RPH3A: variants seen among roughly 807,000 people sequenced by gnomAD.
RPH3A encodes the protein rabphilin 3A.
In RPH3A, 48 loss-of-function variants were observed where a neutral mutation model predicts 102.2. The observed-to-expected ratio is 0.47, with a 90% CI of 0.37 to 0.60. The LOEUF (loss-of-function observed/expected upper bound fraction) is 0.60. Ranked by LOEUF, RPH3A falls within the 20% of genes least tolerant of loss-of-function variation. The pLI is 0.00. For missense variants in RPH3A, 781 were observed against 910.1 expected, an observed-to-expected ratio of 0.86 and a Z score of 1.83; for synonymous variants, 310 against 324.3, an observed-to-expected ratio of 0.96 and a Z score of 0.47.
intron 17 of RPH3A, 83 bp from the exon 18 acceptor site, chr12:112,889,941 G>A: frequency 8.0e-7 from 1 of 1,243,938 alleles, no homozygotes. Flanking sequence ...GGTAATGGAA[G>A]TATGAGGGGT....
chr12:112,820,658 A>G (rs1460962619), intron 2 of RPH3A, among the ~76,000 whole-genome samples: 3 of 152,150 alleles, frequency 2.0e-5, no homozygotes, highest in African/African-American at 7.2e-5. Flanking sequence ...GGATGACCAT[A>G]CTCATTTTAT....
At chr12:112,708,245 C>A (rs927849021) in intron 1 of RPH3A, among the ~76,000 whole-genome samples, 6 of 152,146 alleles carry the variant, frequency 3.9e-5, no homozygotes, top group African/African-American at 1.4e-4. Context: ...CCTCTCTGTA[C>A]CTTTATCTAA....
At chr12:112,763,826 A>G (rs911438801) in intron 1 of RPH3A, among the ~76,000 whole-genome samples, 9 of 152,162 alleles carry the variant, frequency 5.9e-5, no homozygotes, top group Non-Finnish European at 8.8e-5. Flanking sequence ...CTTAGCTGCG[A>G]GAAGGGTTCA....
chr12:112,859,963 C>T (rs544441368), intron 5 of RPH3A, among the ~76,000 whole-genome samples: 1 of 152,326 alleles, frequency 6.6e-6, no homozygotes, highest in African/African-American at 2.4e-5. Flanking sequence ...GGGCCGGGCA[C>T]TGGCGTTTTT....
chr12:112,702,393 C>A (rs1050323753), intron 1 of RPH3A, among the ~76,000 whole-genome samples: 3 of 152,142 alleles, frequency 2.0e-5, no homozygotes, highest in Non-Finnish European at 4.4e-5. Flanking sequence ...GAGAGATTTG[C>A]CCAGGAGATC....
intron 1 of RPH3A, among the ~76,000 whole-genome samples, chr12:112,780,140 C>A (rs1035999343): frequency 1.3e-5 from 2 of 152,142 alleles, no homozygotes; most frequent in Non-Finnish European, 2.9e-5. Flanking sequence ...CTTTTCTCCC[C>A]TTTATGTAAC....
At chr12:112,598,331 T>C (rs2039533179) in intron 1 of RPH3A, among the ~76,000 whole-genome samples, 1 of 152,190 alleles carries the variant, frequency 6.6e-6, no homozygotes, top group African/African-American at 2.4e-5. Flanking sequence ...ACGTTGTCAA[T>C]TCAGTGTGCA....
At chr12:112,895,446 C>A in intron 20 of RPH3A, 1 of 220,042 alleles carries the variant, frequency 4.5e-6, no homozygotes, top group South Asian at 1.3e-4. Flanking sequence ...GGGGATGCCC[C>A]TTCATAAACT....
chr12:112,616,036 C>T (rs1178707216), intron 1 of RPH3A, among the ~76,000 whole-genome samples: 2 of 152,196 alleles, frequency 1.3e-5, no homozygotes, highest in African/African-American at 2.4e-5. Flanking sequence ...ATGGGAGCAG[C>T]TTCTTCTCTG....
chr12:112,659,157 C>T (rs1566246389), intron 1 of RPH3A, among the ~76,000 whole-genome samples: 3 of 152,122 alleles, frequency 2.0e-5, no homozygotes, highest in African/African-American at 7.2e-5. Context: ...TTATGTCCCA[C>T]AAACAAAGAT....
At chr12:112,633,343 A>C (rs2039821345) in intron 1 of RPH3A, among the ~76,000 whole-genome samples, 1 of 152,234 alleles carries the variant, frequency 6.6e-6, no homozygotes, top group South Asian at 2.1e-4. Context: ...ACTCATGTTG[A>C]AACTTAATCC....
At chr12:112,647,203 C>G (rs2039937656) in intron 1 of RPH3A, among the ~76,000 whole-genome samples, 1 of 152,142 alleles carries the variant, frequency 6.6e-6, no homozygotes, top group Admixed American at 6.5e-5. Context: ...TCTGTCTCAT[C>G]TTTACCAATA....
chr12:112,748,910 A>G (rs2040766358), intron 1 of RPH3A, among the ~76,000 whole-genome samples: 1 of 151,932 alleles, frequency 6.6e-6, no homozygotes, highest in African/African-American at 2.4e-5. Flanking sequence ...GCCAATTCCC[A>G]AGATTTAAAA....
At chr12:112,756,136 AG>A (rs2040821518) in intron 1 of RPH3A, among the ~76,000 whole-genome samples, 1 of 152,184 alleles carries the variant, frequency 6.6e-6, no homozygotes, top group African/African-American at 2.4e-5. Flanking sequence ...TAAATGTTTG[AG>A]GTGAGGAATA....
chr12:112,592,706 G>A (rs573669914), intron 1 of RPH3A, among the ~76,000 whole-genome samples: 25 of 152,328 alleles, frequency 1.6e-4, no homozygotes, highest in African/African-American at 4.8e-4. Context: ...ATGGCCGACT[G>A]TATATCCTGT....
At chr12:112,792,287 T>C (rs1048841379) in intron 2 of RPH3A, 24 bp downstream of exon 2, 3 of 152,196 alleles carry the variant, frequency 2.0e-5, no homozygotes, top group Non-Finnish European at 4.4e-5. Flanking sequence ...TCCCGGGTTG[T>C]GCAGATGGGC....
chr12:112,788,517 G>A (rs2041066092), upstream of RPH3A, among the ~76,000 whole-genome samples: 1 of 152,214 alleles, frequency 6.6e-6, no homozygotes, highest in African/African-American at 2.4e-5. Flanking sequence ...TGTGAGTTTG[G>A]GGGCTTCACA....
chr12:112,763,015 A>G (rs1194884284), intron 1 of RPH3A, among the ~76,000 whole-genome samples: 1 of 152,242 alleles, frequency 6.6e-6, no homozygotes, highest in African/African-American at 2.4e-5. Context: ...TACTGAGCAG[A>G]TAAAAACAAC....
At position 112,890,933 on chromosome 12, in the gene RPH3A, G is replaced by T; in HGVS notation, c.1705G>T (p.Val569Leu). ...CAGCACACAGCAGGGAGGCCTCATTGTGGGCATCATACGCTGCGTGCACCT... is the reference window on the plus strand; with the variant it reads ...CAGCACACAGCAGGGAGGCCTCATTTTGGGCATCATACGCTGCGTGCACCT... ...MYSTQQGGLI[V>L]GIIRCVHLAA... The change falls in exon 19 of 22, where the codon GTG becomes TTG. Residue 569 changes from valine (V) to leucine (L), a missense_variant. Coordinates refer to ENST00000389385, the MANE Select transcript of RPH3A (RefSeq NM_001143854.2). 2 of 1,614,108 alleles carry T rather than the reference G, an allele frequency of 1.2e-6. No individual in the cohort carries two copies. The highest frequency in any genetic ancestry group is 1.7e-6 in the Non-Finnish European group (2 of 1,180,008).
Sources: allele counts gnomAD v4.1 joint callset (sites outside exome capture counted in the v4.1 genomes callset), GRCh38; gene constraint gnomAD v4.1.1; transcripts MANE v1.5; gene names NCBI Gene and HGNC (gene_info 2026-07-23, HGNC 2026-07-21).